Variants in TSNAXIP1 observed in about 807,000 individuals in gnomAD.
TSNAXIP1 encodes the protein translin-associated factor X-interacting protein 1.
TSNAXIP1 carries 89 observed loss-of-function variants against 84.8 expected under a neutral mutation model. The ratio of observed to expected loss-of-function variants is 1.05; its 90% confidence interval spans 0.88 to 1.25. The LOEUF (loss-of-function observed/expected upper bound fraction) is 1.25. TSNAXIP1 is among the 50% of genes most tolerant of loss of function. TSNAXIP1 has a pLI of 0.00. For missense variants in TSNAXIP1, 874 were observed against 887.6 expected, an observed-to-expected ratio of 0.98 and a Z score of 0.20; for synonymous variants, 347 against 335.2, an observed-to-expected ratio of 1.04 and a Z score of -0.39.
At position 67,827,287 on chromosome 16, in the gene TSNAXIP1, A is replaced by G; in HGVS notation, c.1703A>G (p.Glu568Gly). 1 of 1,614,210 alleles carries G rather than the reference A, an allele frequency of 6.2e-7. No homozygotes were observed. Among genetic ancestry groups the G allele is most frequent in the Non-Finnish European group, 8.5e-7 (1 of 1,180,040 alleles). ...LKSTFPLKTEEQIQELMEAGG... is the reference protein window; with the variant it reads ...LKSTFPLKTEGQIQELMEAGG... ...AGTACCTTCCCTCTCAAGACAGAAG[A>G]GCAAATCCAGGAGCTGATGGAGGCA... The change falls in exon 14 of 16, where the codon GAG becomes GGG. Residue 568 changes from glutamate (E) to glycine (G), a missense_variant. Coordinates refer to ENST00000561639, the MANE Select transcript of TSNAXIP1 (RefSeq NM_001288990.3).
At chr16:67,809,850 G>A (rs1179199267) in intron 1 of TSNAXIP1, among the ~76,000 whole-genome samples, 1 of 151,850 alleles carries the variant, frequency 6.6e-6, no homozygotes, top group Non-Finnish European at 1.5e-5. Context: ...TCAGGAGGCT[G>A]AAGCAGGAGA....
intron 2 of TSNAXIP1, among the ~76,000 whole-genome samples, chr16:67,818,884 A>T (rs1204481435): frequency 6.6e-6 from 1 of 151,944 alleles, no homozygotes; most frequent in Non-Finnish European, 1.5e-5. Flanking sequence ...TTGTATTTTT[A>T]GTAGAGATGG....
At chr16:67,816,579 A>C (rs925931962) in intron 2 of TSNAXIP1, among the ~76,000 whole-genome samples, 5 of 152,146 alleles carry the variant, frequency 3.3e-5, no homozygotes, top group African/African-American at 1.2e-4. Context: ...GACCAAGCGC[A>C]GCCCAAAAAC....
intron 7 of TSNAXIP1, 39 bp from the exon 8 acceptor site, chr16:67,825,628 C>G (rs1431284129): frequency 6.3e-7 from 1 of 1,582,218 alleles, no homozygotes; most frequent in South Asian, 1.2e-5. Context: ...CCTGAGAAAG[C>G]CACGGTGACA....
chr16:67,812,411 T>C (rs780428508), intron 1 of TSNAXIP1, among the ~76,000 whole-genome samples: 2 of 152,078 alleles, frequency 1.3e-5, no homozygotes, highest in Non-Finnish European at 2.9e-5. Flanking sequence ...CTCACACCCG[T>C]AATCCCAGCA....
Position 67,814,211 on chromosome 16 carries a change from A to C in TSNAXIP1, c.48-91A>C, listed in dbSNP as rs1217530692. On this transcript the variant is annotated intron_variant, in intron 1 of 15. Transcript: ENST00000561639. The stretch of plus-strand genomic sequence containing the variant: ...AGCACCCAGAGCCTGGCTCAGGGAG[A>C]CGGCTATGCCTTGTGGATCTAGAAA... 3 of 1,033,704 alleles carry C rather than the reference A, an allele frequency of 2.9e-6. No homozygotes were observed. In the Admixed American group the frequency reaches 6.4e-5, roughly 22 times the overall value. The allele number at this position is 1,033,704 out of a possible 1,614,324, so 64.0% of individuals were successfully genotyped here.
intron 1 of TSNAXIP1, among the ~76,000 whole-genome samples, chr16:67,808,850 G>A (rs2055748027): frequency 6.6e-6 from 1 of 152,020 alleles, no homozygotes; most frequent in South Asian, 2.1e-4. Context: ...CTATGAAAAG[G>A]ATATGAAGCA....
intron 1 of TSNAXIP1, among the ~76,000 whole-genome samples, chr16:67,809,437 A>G (rs1355609890): frequency 6.8e-6 from 1 of 146,492 alleles, no homozygotes; most frequent in Non-Finnish European, 1.5e-5. Context: ...CCAGCCTGGC[A>G]GCAGAGTGAG....
chr16:67,811,120 G>A (rs1445413205), intron 1 of TSNAXIP1, among the ~76,000 whole-genome samples: 6 of 151,938 alleles, frequency 3.9e-5, no homozygotes, highest in East Asian at 1.9e-4. Context: ...CACCGCGCCC[G>A]GCCGATCTCC....
chr16:67,823,581 T>C, intron 4 of TSNAXIP1, 45 bp from the exon 5 acceptor site: 1 of 1,494,232 alleles, frequency 6.7e-7, no homozygotes, highest in Admixed American at 1.7e-5. Context: ...CCACTAAGGT[T>C]GGCAGCTGTG....
chr16:67,820,012 G>A (rs1188540849), intron 2 of TSNAXIP1, among the ~76,000 whole-genome samples: 1 of 151,800 alleles, frequency 6.6e-6, no homozygotes, highest in Non-Finnish European at 1.5e-5. Context: ...TAGAGACGGG[G>A]TTTCACTGTG....
rs750773771 is a variant in TSNAXIP1, at chr16:67,814,313, G to A, written c.59G>A (p.Arg20Gln). The A allele has an allele frequency of 5.9e-6, 9 of 1,535,958 alleles. No individual in the cohort carries two copies. The highest frequency in any genetic ancestry group is 4.9e-5 in the East Asian group (2 of 40,916). ...CCTTCTCTGTGCAGATTACAGCCAC[G>A]GCCTTCAGGAGTGACCATAGACGAA... ...SFSSASRLQP[R>Q]PSGVTIDESF... Residue 20 changes from arginine to glutamine, a missense_variant, in exon 2 of 16, where the codon CGG becomes CAG. Transcript: ENST00000561639.
At chr16:67,818,982 C>A (rs563336637) in intron 2 of TSNAXIP1, among the ~76,000 whole-genome samples, 1 of 151,746 alleles carries the variant, frequency 6.6e-6, no homozygotes, top group African/African-American at 2.4e-5. Flanking sequence ...GGGAATCAGG[C>A]GTGAGCTGGG....
intron 2 of TSNAXIP1, among the ~76,000 whole-genome samples, chr16:67,819,012 A>C (rs1249038562): frequency 6.6e-6 from 1 of 151,656 alleles, no homozygotes; most frequent in African/African-American, 2.4e-5. Context: ...TCACACTTGT[A>C]ATCTCTACTA....
At chr16:67,817,772 T>TCTCAG (rs1567751828) in intron 2 of TSNAXIP1, among the ~76,000 whole-genome samples, 2 of 151,052 alleles carry the variant, frequency 1.3e-5, no homozygotes, top group African/African-American at 4.9e-5. Flanking sequence ...GTGCCTGCAG[T>TCTCAG]CTCTTCGGGA....
Position 67,817,143 on chromosome 16 carries a change from T to G in TSNAXIP1, c.147+2742T>G, listed in dbSNP as rs115015487. ...ACCACACCTGGCTAATTTTTTGCGG[T>G]TTTTTTTTTGTTTTTTGTTTTTTTG... On this transcript the variant is annotated intron_variant, in intron 2 of 15. Coordinates refer to ENST00000561639, the MANE Select transcript of TSNAXIP1 (RefSeq NM_001288990.3). Among the ~76,000 whole-genome samples, 938 of 141,794 alleles carry G rather than the reference T, an allele frequency of 6.6e-3. 8 individuals are homozygous for G. The highest frequency in any genetic ancestry group is 0.012 in the African/African-American group (487 of 39,338). The allele number at this position is 141,794 out of a possible 152,430, so 93.0% of individuals were successfully genotyped here.
intron 2 of TSNAXIP1, among the ~76,000 whole-genome samples, chr16:67,819,713 T>C (rs1208174292): frequency 6.7e-6 from 1 of 148,994 alleles, no homozygotes; most frequent in Non-Finnish European, 1.5e-5. Context: ...AATGGTGCAA[T>C]CTCAGCTCAC....
intron 4 of TSNAXIP1, among the ~76,000 whole-genome samples, chr16:67,822,357 G>A (rs1311987297): frequency 6.6e-6 from 1 of 152,018 alleles, no homozygotes; most frequent in African/African-American, 2.4e-5. Flanking sequence ...TGAGGCTGGA[G>A]TTTCCTCACC....
Position 67,806,916 on chromosome 16 carries a change from G to T in TSNAXIP1, c.-234G>T. On this transcript the variant is annotated 5_prime_UTR_variant, in exon 1 of 16. Coordinates refer to ENST00000561639, the MANE Select transcript of TSNAXIP1 (RefSeq NM_001288990.3). ...CCCCCTGCCTCAGTTCTGGTACCTG[G>T]GGTCAAATCGGCTGTAGTGGTTGAC... 1.6e-6 allele frequency: 1 copy of T among 630,222 alleles called. No homozygotes were observed. Among genetic ancestry groups the T allele is most frequent in the Non-Finnish European group, 2.7e-6 (1 of 366,046 alleles). The allele number at this position is 630,222 out of a possible 1,614,324, so 39.0% of individuals were successfully genotyped here.
Sources: allele counts gnomAD v4.1 joint callset (sites outside exome capture counted in the v4.1 genomes callset), GRCh38; gene constraint gnomAD v4.1.1; transcripts MANE v1.5; gene names NCBI Gene and HGNC (gene_info 2026-07-23, HGNC 2026-07-21).